Variants in GPC5 observed in about 807,000 individuals in gnomAD.
GPC5 encodes the protein glypican-5.
GPC5 carries 47 observed loss-of-function variants against 53.9 expected under a neutral mutation model. The observed-to-expected ratio is 0.87, with a 90% CI of 0.69 to 1.11. The LOEUF is 1.11. Among genes scored for constraint, GPC5 ranks in the 50% most tolerant of loss-of-function variants. The pLI is 0.00. For synonymous variants in GPC5, 286 were observed against 263.3 expected (o/e 1.09, Z -0.84); for missense variants, 748 against 713.1 (o/e 1.05, Z -0.56).
intron 7 of GPC5, among the ~76,000 whole-genome samples, chr13:92,528,853 G>A (rs1289855551): frequency 6.6e-6 from 1 of 151,484 alleles, no homozygotes; most frequent in Non-Finnish European, 1.5e-5. Context: ...TATAAAATAG[G>A]GTTAGACTAT....
rs141939470 is a variant in GPC5 at position 92,685,464 on chromosome 13, A to C, written c.1562-180818A>C. 5.8e-4 allele frequency among the ~76,000 whole-genome samples: 88 copies of C among 152,014 alleles called. 1 individual carries two copies. In the East Asian group the frequency reaches 0.016, roughly 28 times the overall value. ...ACATTTTTCCACATATATTTGTAATAAGTTCTGATGTCTGATAAGGCAAGT... is the reference window on the plus strand; with the variant it reads ...ACATTTTTCCACATATATTTGTAATCAGTTCTGATGTCTGATAAGGCAAGT... On this transcript the variant is annotated intron_variant, in intron 7 of 7. Transcript: ENST00000377067.
intron 4 of GPC5, among the ~76,000 whole-genome samples, chr13:91,748,918 G>T (rs757972347): frequency 7.2e-5 from 11 of 152,172 alleles, no homozygotes; most frequent in Non-Finnish European, 1.5e-4. Flanking sequence ...GCGTGTATAG[G>T]TGTGTGGGCT....
At chr13:91,983,138 G>T (rs1166123083) in intron 6 of GPC5, among the ~76,000 whole-genome samples, 1 of 152,032 alleles carries the variant, frequency 6.6e-6, no homozygotes, top group African/African-American at 2.4e-5. Context: ...GAGGTCAGGA[G>T]ATCGAGACCA....
chr13:92,188,835 C>A (rs1429199732), intron 7 of GPC5, among the ~76,000 whole-genome samples: 1 of 152,196 alleles, frequency 6.6e-6, no homozygotes, highest in Non-Finnish European at 1.5e-5. Context: ...CATCACCATG[C>A]CACCCGACAG....
chr13:92,116,842 TA>T (rs1203695896), intron 6 of GPC5, among the ~76,000 whole-genome samples: 1 of 152,268 alleles, frequency 6.6e-6, no homozygotes, highest in African/African-American at 2.4e-5. Flanking sequence ...CTATTATCAA[TA>T]TTTTGTAATT....
At chr13:92,355,847 G>A (rs899640712) in intron 7 of GPC5, among the ~76,000 whole-genome samples, 5 of 147,714 alleles carry the variant, frequency 3.4e-5, no homozygotes, top group Admixed American at 2.7e-4. Context: ...ACTATTATTT[G>A]ATTCCTCTAG....
intron 7 of GPC5, among the ~76,000 whole-genome samples, chr13:92,326,764 G>A (rs2043254236): frequency 6.6e-6 from 1 of 151,880 alleles, no homozygotes; most frequent in Admixed American, 6.6e-5. Flanking sequence ...AAGTAATTTG[G>A]GTAATTCTTT....
intron 5 of GPC5, among the ~76,000 whole-genome samples, chr13:91,832,228 T>C (rs959737175): frequency 1.3e-5 from 2 of 152,028 alleles, no homozygotes; most frequent in African/African-American, 4.8e-5. Flanking sequence ...TGTAATGCTC[T>C]TCTTTGTCTC....
chr13:91,435,319 G>C (rs1879846687), intron 1 of GPC5, among the ~76,000 whole-genome samples: 3 of 152,232 alleles, frequency 2.0e-5, no homozygotes, highest in Admixed American at 2.0e-4. Flanking sequence ...TATTGGCTGT[G>C]GGTTGTCATA....
chr13:91,797,831 A>T (rs1360548248), intron 5 of GPC5, among the ~76,000 whole-genome samples: 1 of 152,158 alleles, frequency 6.6e-6, no homozygotes, highest in Non-Finnish European at 1.5e-5. Flanking sequence ...TGGTCTTGTT[A>T]TTTGGTTGTG....
rs1266716179 is a variant in GPC5 at position 91,647,085 on chromosome 13, GTGT to G, written c.326-46101_326-46099del. Among the ~76,000 whole-genome samples, 19 of 83,908 alleles carry G rather than the reference GTGT, an allele frequency of 2.3e-4. 1 individual carries two copies. The highest frequency in any genetic ancestry group is 8.1e-4 in the Admixed American group (6 of 7,396). The allele number at this position is 83,908 out of a possible 152,430, so 55.0% of individuals were successfully genotyped here. A position where few individuals can be genotyped will look rare whatever the true frequency, so the allele number is the denominator to read the frequency against. ...TATATATATGCGTGTGTGTGTGTGTGTGTGTGTGTGTGTGTGTGTGTGTGTGTG... is the reference window on the plus strand; with the variant it reads ...TATATATATGCGTGTGTGTGTGTGTGGTGTGTGTGTGTGTGTGTGTGTGTG... On this transcript the variant is annotated intron_variant, in intron 2 of 7. Coordinates refer to ENST00000377067, the MANE Select transcript of GPC5 (RefSeq NM_004466.6).
intron 7 of GPC5, among the ~76,000 whole-genome samples, chr13:92,327,223 C>T (rs933246307): frequency 5.9e-5 from 9 of 152,138 alleles, no homozygotes; most frequent in African/African-American, 9.7e-5. Flanking sequence ...AAGAGCCAAA[C>T]GCCCAGGTTT....
intron 2 of GPC5, among the ~76,000 whole-genome samples, chr13:91,497,702 G>A (rs1884354600): frequency 6.6e-6 from 1 of 152,208 alleles, no homozygotes; most frequent in Non-Finnish European, 1.5e-5. Context: ...AGGCAGGGCA[G>A]CAGTTTTGGG....
intron 7 of GPC5, among the ~76,000 whole-genome samples, chr13:92,233,542 A>G (rs950394915): frequency 6.6e-6 from 1 of 152,220 alleles, no homozygotes; most frequent in Admixed American, 6.5e-5. Flanking sequence ...TTAAGTTGAC[A>G]TAAGACAGAA....
intron 7 of GPC5, among the ~76,000 whole-genome samples, chr13:92,175,510 C>CT (rs1274165798): frequency 2.0e-5 from 3 of 152,124 alleles, no homozygotes; most frequent in Non-Finnish European, 4.4e-5. Flanking sequence ...GTCCAGCTAT[C>CT]TAAGAGCTGA....
At chr13:91,891,153 G>T (rs2039381259) in intron 5 of GPC5, among the ~76,000 whole-genome samples, 1 of 152,140 alleles carries the variant, frequency 6.6e-6, no homozygotes, top group South Asian at 2.1e-4. Flanking sequence ...TAGATAACAA[G>T]AACTTGAATA....
Position 92,016,943 on chromosome 13 carries a change from C to T in GPC5, c.1401+108886C>T, listed in dbSNP as rs543071474. On this transcript the variant is annotated intron_variant, in intron 6 of 7. Coordinates refer to ENST00000377067, the MANE Select transcript of GPC5 (RefSeq NM_004466.6). ...CTGATATTATAGGGAGTACAGTGGC[C>T]TCATTACCTCTGGACAATGGTGAAA... Among the ~76,000 whole-genome samples the T allele has an allele frequency of 5.8e-4, 89 of 152,238 alleles. 1 individual carries two copies. The highest frequency in any genetic ancestry group is 1.1e-3 in the Non-Finnish European group (78 of 68,016).
intron 2 of GPC5, among the ~76,000 whole-genome samples, chr13:91,513,479 G>T (rs1566466086): frequency 6.6e-6 from 1 of 152,078 alleles, no homozygotes; most frequent in Non-Finnish European, 1.5e-5. Context: ...GGTGGCTCAT[G>T]CCTGTAATCC....
At chr13:92,513,462 C>G (rs1224199141) in intron 7 of GPC5, among the ~76,000 whole-genome samples, 2 of 107,746 alleles carry the variant, frequency 1.9e-5, no homozygotes, top group East Asian at 3.1e-4. Context: ...AAATCTAAAG[C>G]TTTTTTCTGT....
Sources: allele counts gnomAD v4.1 joint callset (sites outside exome capture counted in the v4.1 genomes callset), GRCh38; gene constraint gnomAD v4.1.1; transcripts MANE v1.5; gene names NCBI Gene and HGNC (gene_info 2026-07-23, HGNC 2026-07-21).